The following ANKRD6 variants were observed in gnomAD, a reference collection of about 807,000 sequenced individuals.
ANKRD6 encodes ankyrin repeat domain 6.
A neutral mutation model predicts 82.3 loss-of-function variants in ANKRD6; 56 were observed. The observed-to-expected ratio is 0.68, with a 90% CI of 0.55 to 0.85. ANKRD6 has a LOEUF of 0.85. ANKRD6 is among the 40% of genes least tolerant of loss of function. The pLI, the probability that ANKRD6 is intolerant of heterozygous loss-of-function variation, is 0.00. For missense variants in ANKRD6, 852 were observed against 907.6 expected (o/e 0.94, Z 0.79); for synonymous variants, 347 against 352.1 (o/e 0.99, Z 0.16).
chr6:89,453,087 C>T (rs1773051802), intron 1 of ANKRD6, among the ~76,000 whole-genome samples: 2 of 152,200 alleles, frequency 1.3e-5, no homozygotes, highest in Non-Finnish European at 2.9e-5. Context: ...TTGCCAGTCA[C>T]CCCAGAAGCT....
intron 1 of ANKRD6, among the ~76,000 whole-genome samples, chr6:89,513,459 AG>A (rs1273169709): frequency 6.6e-6 from 1 of 152,182 alleles, no homozygotes; most frequent in Non-Finnish European, 1.5e-5. Flanking sequence ...CTATATAAGG[AG>A]AATCATATGG....
chr6:89,618,568 T>C (rs1802215050), intron 9 of ANKRD6, among the ~76,000 whole-genome samples: 1 of 152,236 alleles, frequency 6.6e-6, no homozygotes. Flanking sequence ...TGGTGGCTGA[T>C]ACTTTAGTTG....
chr6:89,576,376 A>C (rs1791114589), intron 2 of ANKRD6, among the ~76,000 whole-genome samples: 2 of 152,180 alleles, frequency 1.3e-5, no homozygotes, highest in East Asian at 3.8e-4. Context: ...TATTTCGACC[A>C]GTTGTACTTC....
chr6:89,441,241 C>A (rs541921552), intron 1 of ANKRD6, among the ~76,000 whole-genome samples: 192 of 152,290 alleles, frequency 1.3e-3, no homozygotes, highest in African/African-American at 4.3e-3. Context: ...ACCTCTGCCT[C>A]CCGGGTTCAG....
chr6:89,446,158 G>A (rs922573182), intron 1 of ANKRD6, among the ~76,000 whole-genome samples: 2 of 151,926 alleles, frequency 1.3e-5, no homozygotes, highest in Non-Finnish European at 2.9e-5. Flanking sequence ...TTTGAGACCA[G>A]CCTGACCAAC....
rs191606804 is a variant in ANKRD6, at chr6:89,559,023, T to C, written c.-143-7811T>C. 2.3e-3 allele frequency among the ~76,000 whole-genome samples: 353 copies of C among 152,284 alleles called. 1 individual carries two copies. Among genetic ancestry groups the C allele is most frequent in the African/African-American group, 8.2e-3 (342 of 41,550 alleles). ...AGAGTGTAGCATAAAACCATAATTATAATTAATTCTGTATGCTTGTGTTAC... is the reference window on the plus strand; with the variant it reads ...AGAGTGTAGCATAAAACCATAATTACAATTAATTCTGTATGCTTGTGTTAC... On this transcript the variant is annotated intron_variant, in intron 1 of 15. Coordinates refer to ENST00000339746, the MANE Select transcript of ANKRD6 (RefSeq NM_001242809.2).
intron 1 of ANKRD6, among the ~76,000 whole-genome samples, chr6:89,563,743 C>G (rs1200845434): frequency 6.6e-6 from 1 of 152,140 alleles, no homozygotes; most frequent in African/African-American, 2.4e-5. Flanking sequence ...ACACACATCT[C>G]TATCTGGTCC....
intron 2 of ANKRD6, chr6:89,581,695 G>T (rs1792570941): frequency 6.6e-6 from 1 of 152,086 alleles, no homozygotes; most frequent in Admixed American, 6.5e-5. Flanking sequence ...TAGAAGAGGG[G>T]GATCTCCACA....
intron 1 of ANKRD6, among the ~76,000 whole-genome samples, chr6:89,512,388 A>T (rs7755081): frequency 0.081 from 12,371 of 152,104 alleles, 528 homozygotes; most frequent in South Asian, 0.14. Context: ...TTGTCATTGC[A>T]CTCTATTCTC....
intron 1 of ANKRD6, among the ~76,000 whole-genome samples, chr6:89,551,033 C>G (rs1439928100): frequency 6.6e-6 from 1 of 152,342 alleles, no homozygotes; most frequent in Non-Finnish European, 1.5e-5. Flanking sequence ...TTCCCTATCT[C>G]TAGTTCTAAA....
chr6:89,449,177 T>A (rs963915483), intron 1 of ANKRD6, among the ~76,000 whole-genome samples: 1 of 152,210 alleles, frequency 6.6e-6, no homozygotes, highest in African/African-American at 2.4e-5. Context: ...CATTCATGAT[T>A]CATGAGAGGA....
chr6:89,548,402 C>T (rs913856181), intron 1 of ANKRD6, among the ~76,000 whole-genome samples: 8 of 152,136 alleles, frequency 5.3e-5, no homozygotes, highest in African/African-American at 1.9e-4. Context: ...CATGGTGTGG[C>T]TATACTACAT....
At chr6:89,535,433 G>T (rs557782345) in intron 1 of ANKRD6, among the ~76,000 whole-genome samples, 7 of 152,206 alleles carry the variant, frequency 4.6e-5, no homozygotes, top group Admixed American at 4.6e-4. Context: ...TAAAACTGTA[G>T]TTTAAAATAC....
At chr6:89,584,704 A>C (rs892520317) in intron 2 of ANKRD6, among the ~76,000 whole-genome samples, 1 of 152,262 alleles carries the variant, frequency 6.6e-6, no homozygotes, top group African/African-American at 2.4e-5. Flanking sequence ...AGACTGGGTC[A>C]ACATCAGTGT....
chr6:89,471,040 T>C (rs1306075035), intron 1 of ANKRD6, among the ~76,000 whole-genome samples: 1 of 151,942 alleles, frequency 6.6e-6, no homozygotes, highest in Admixed American at 6.6e-5. Flanking sequence ...TTAACGCCTG[T>C]GTGTGTGTGC....
chr6:89,527,215 T>C (rs961158366), intron 1 of ANKRD6, among the ~76,000 whole-genome samples: 8 of 152,172 alleles, frequency 5.3e-5, no homozygotes, highest in African/African-American at 1.9e-4. Context: ...TCCCAGTGTA[T>C]ATGAAAGTTA....
At chr6:89,514,790 C>T (rs1353536929) in intron 1 of ANKRD6, among the ~76,000 whole-genome samples, 1 of 152,180 alleles carries the variant, frequency 6.6e-6, no homozygotes, top group Non-Finnish European at 1.5e-5. Flanking sequence ...TTTTCTAAAG[C>T]AGTTATACCA....
At chr6:89,568,775 C>A (rs746320707) in intron 2 of ANKRD6, among the ~76,000 whole-genome samples, 2 of 152,114 alleles carry the variant, frequency 1.3e-5, no homozygotes, top group Non-Finnish European at 2.9e-5. Flanking sequence ...AGGGCCCCCA[C>A]TGGAACCTGA....
intron 1 of ANKRD6, among the ~76,000 whole-genome samples, chr6:89,440,383 G>A (rs1771222850): frequency 6.6e-6 from 1 of 152,220 alleles, no homozygotes; most frequent in African/African-American, 2.4e-5. Flanking sequence ...AGTTTGTTAT[G>A]TAGATGCCTC....
Sources: gnomAD v4.1 joint callset for allele counts (sites outside exome capture counted in the v4.1 genomes callset) on GRCh38, gnomAD v4.1.1 for gene constraint, MANE v1.5 for transcripts, NCBI Gene and HGNC (gene_info 2026-07-23, HGNC 2026-07-21) for gene names.